The following GABRG3 variants were observed in gnomAD, a reference collection of about 807,000 sequenced individuals.
The protein encoded by GABRG3 is gamma-aminobutyric acid receptor subunit gamma-3.
Under a neutral mutation model 48.8 loss-of-function variants are expected in GABRG3, and 25 were observed. That is an observed-to-expected ratio of 0.51 (90% CI 0.37 to 0.72). GABRG3 has a LOEUF of 0.72. Ranked by LOEUF, GABRG3 falls within the 30% of genes least tolerant of loss-of-function variation. The pLI is 0.00. For missense variants in GABRG3, 394 were observed against 577.9 expected (o/e 0.68, Z 3.26); for synonymous variants, 227 against 217.6 (o/e 1.04, Z -0.38).
intron 2 of GABRG3, among the ~76,000 whole-genome samples, chr15:27,022,305 T>C (rs775709945): frequency 6.6e-6 from 1 of 152,194 alleles, no homozygotes; most frequent in Non-Finnish European, 1.5e-5. Flanking sequence ...GCTTCTTCTC[T>C]TCTTCTTATG....
At chr15:26,984,402 G>C (rs1173153431) in intron 2 of GABRG3, among the ~76,000 whole-genome samples, 1 of 152,172 alleles carries the variant, frequency 6.6e-6, no homozygotes, top group African/African-American at 2.4e-5. Flanking sequence ...GTTCGTTCAT[G>C]TTGCGTGGAA....
At chr15:27,178,880 C>T (rs760325362) in intron 3 of GABRG3, among the ~76,000 whole-genome samples, 9 of 152,084 alleles carry the variant, frequency 5.9e-5, no homozygotes, top group Non-Finnish European at 1.3e-4. Context: ...TCTTTATGGG[C>T]CAGGTTTTAC....
chr15:27,200,774 TG>T (rs1888655989), intron 3 of GABRG3, among the ~76,000 whole-genome samples: 1 of 152,176 alleles, frequency 6.6e-6, no homozygotes, highest in Non-Finnish European at 1.5e-5. Flanking sequence ...TCACAAAAGC[TG>T]GCCTCGGGGT....
chr15:27,069,982 A>G (rs1896801195), intron 3 of GABRG3, among the ~76,000 whole-genome samples: 1 of 152,232 alleles, frequency 6.6e-6, no homozygotes, highest in Non-Finnish European at 1.5e-5. Flanking sequence ...TTGGAAGACA[A>G]TGCAAGCTGC....
At chr15:27,459,832 T>A (rs541067460) in intron 5 of GABRG3, among the ~76,000 whole-genome samples, 1 of 152,294 alleles carries the variant, frequency 6.6e-6, no homozygotes, top group South Asian at 2.1e-4. Flanking sequence ...TTTTCAGAAG[T>A]TTTTCCCTCT....
chr15:27,038,025 C>T (rs78162445), intron 3 of GABRG3, among the ~76,000 whole-genome samples: 2,008 of 152,242 alleles, frequency 0.013, 35 homozygotes, highest in African/African-American at 0.046. Flanking sequence ...TGCAGCATCC[C>T]TCTGTGTGCA....
In GABRG3 at chr15:27,328,796, T is replaced by C. The variant is rs1196526649; in HGVS notation, c.492-10T>C. 9 of 1,613,514 alleles carry C rather than the reference T, an allele frequency of 5.6e-6. No individual in the cohort carries two copies. Among genetic ancestry groups the C allele is most frequent in the Non-Finnish European group, 7.6e-6 (9 of 1,179,588 alleles). ...GTGCTGAGCTAGACTGACACTTGGC[T>C]TTTTCGCAGGCTCACCATCAATGCT... On this transcript the variant is annotated splice_polypyrimidine_tract_variant and intron_variant, in intron 4 of 9. Transcript: ENST00000615808.
intron 3 of GABRG3, among the ~76,000 whole-genome samples, chr15:27,229,121 T>C (rs1023788937): frequency 6.6e-6 from 1 of 152,204 alleles, no homozygotes; most frequent in East Asian, 1.9e-4. Context: ...TTGGTGTCTT[T>C]GTCACGAACT....
At chr15:27,067,995 A>T (rs997574377) in intron 3 of GABRG3, among the ~76,000 whole-genome samples, 23 of 152,224 alleles carry the variant, frequency 1.5e-4, no homozygotes, top group Non-Finnish European at 1.0e-4. Context: ...AGTAGAGTGC[A>T]CAGAAGAATA....
intron 6 of GABRG3, among the ~76,000 whole-genome samples, chr15:27,487,260 C>A (rs1890243418): frequency 6.6e-6 from 1 of 152,136 alleles, no homozygotes; most frequent in Non-Finnish European, 1.5e-5. Context: ...TATGTCTGTT[C>A]TTTTAAAATC....
chr15:27,308,077 T>C (rs539491752), intron 3 of GABRG3, among the ~76,000 whole-genome samples: 58 of 133,328 alleles, frequency 4.4e-4, no homozygotes, highest in Middle Eastern at 0.012. Context: ...CATATATGTT[T>C]ATACATCCAA....
chr15:27,515,266 G>A (rs2150860030), intron 6 of GABRG3, among the ~76,000 whole-genome samples: 1 of 151,988 alleles, frequency 6.6e-6, no homozygotes, highest in Non-Finnish European at 1.5e-5. Context: ...CTAACTTTTT[G>A]TATTTTTAGT....
intron 5 of GABRG3, among the ~76,000 whole-genome samples, chr15:27,425,680 G>C (rs1416236611): frequency 6.6e-6 from 1 of 152,072 alleles, no homozygotes; most frequent in East Asian, 1.9e-4. Flanking sequence ...ATTTATTCTT[G>C]CATCAGCTAC....
At chr15:27,435,687 C>T (rs111711605) in intron 5 of GABRG3, among the ~76,000 whole-genome samples, 2,028 of 152,290 alleles carry the variant, frequency 0.013, 32 homozygotes, top group African/African-American at 0.047. Flanking sequence ...CTTAAGTTTA[C>T]GGTATTGGAA....
intron 3 of GABRG3, among the ~76,000 whole-genome samples, chr15:27,231,786 A>G (rs28581400): frequency 0.022 from 3,329 of 152,332 alleles, 132 homozygotes; most frequent in African/African-American, 0.076. Flanking sequence ...GAATATCTAA[A>G]TAGTATTGAT....
chr15:27,171,088 G>C (rs143393776), intron 3 of GABRG3, among the ~76,000 whole-genome samples: 1,662 of 152,294 alleles, frequency 0.011, 19 homozygotes, highest in Non-Finnish European at 0.019. Flanking sequence ...CCAGAGGAGA[G>C]GACCAGTGTC....
intron 3 of GABRG3, among the ~76,000 whole-genome samples, chr15:27,109,998 T>C (rs1307648911): frequency 6.6e-6 from 1 of 152,224 alleles, no homozygotes; most frequent in Non-Finnish European, 1.5e-5. Context: ...GTCTATTAAT[T>C]GGTGTGTTTA....
chr15:27,254,869 TGA>T (rs1009215520), intron 3 of GABRG3, among the ~76,000 whole-genome samples: 1 of 126,448 alleles, frequency 7.9e-6, no homozygotes, highest in Non-Finnish European at 1.7e-5. Context: ...AGAGCTTTAT[TGA>T]GAGAGAGAGA....
At position 27,278,292 on chromosome 15, in the gene GABRG3, C is replaced by T. The variant is rs184222556; in HGVS notation, c.271-48517C>T. Among the ~76,000 whole-genome samples, 1,146 of 152,124 alleles carry T rather than the reference C, an allele frequency of 7.5e-3. 9 individuals are homozygous for T. The highest frequency in any genetic ancestry group is 0.012 in the Non-Finnish European group (797 of 67,976). The stretch of plus-strand genomic sequence containing the variant: ...GTCTCAAACTCCTGACCTTGTGATC[C>T]GCCCGCCTCGGCCTCCCCAAATGCT... On this transcript the variant is annotated intron_variant, in intron 3 of 9. Coordinates refer to ENST00000615808, the MANE Select transcript of GABRG3 (RefSeq NM_033223.5).
Sources: gnomAD v4.1 joint callset for allele counts (sites outside exome capture counted in the v4.1 genomes callset) on GRCh38, gnomAD v4.1.1 for gene constraint, MANE v1.5 for transcripts, NCBI Gene and HGNC (gene_info 2026-07-23, HGNC 2026-07-21) for gene names.